Variants in TGM1 observed in about 807,000 individuals in gnomAD.
The protein encoded by TGM1 is protein-glutamine gamma-glutamyltransferase K.
A neutral mutation model predicts 88.7 loss-of-function variants in TGM1; 63 were observed. The ratio of observed to expected loss-of-function variants is 0.71; its 90% CI spans 0.58 to 0.88. The LOEUF (loss-of-function observed/expected upper bound fraction) is 0.88. TGM1 is among the 40% of genes least tolerant of loss of function. The probability of loss-of-function intolerance (pLI) is 0.00; values close to 1 mark genes in which losing one functional copy is unlikely to be tolerated. For missense variants in TGM1, 996 were observed against 1,118.0 expected (o/e 0.89, Z 1.56); for synonymous variants, 415 against 431.1 (o/e 0.96, Z 0.46).
chr14:24,254,858 G>A (rs2040734688), intron 12 of TGM1, 34 bp from the exon 13 acceptor site: 1 of 1,613,128 alleles, frequency 6.2e-7, no homozygotes, highest in African/African-American at 1.3e-5. Flanking sequence ...ACTGAGGCCT[G>A]CTTCCCTACA....
chr14:24,260,854 C>A (rs1305897008), intron 3 of TGM1, among the ~76,000 whole-genome samples, 156 bp from the exon 4 acceptor site: 1 of 152,240 alleles, frequency 6.6e-6, no homozygotes, highest in African/African-American at 2.4e-5. Context: ...TCCCTTAGAG[C>A]AGCTCTGTCT....
intron 14 of TGM1, among the ~76,000 whole-genome samples, chr14:24,250,282 C>A (rs2040691261): frequency 6.6e-6 from 1 of 151,934 alleles, no homozygotes; most frequent in Non-Finnish European, 1.5e-5. Flanking sequence ...GATTCCCAGA[C>A]CTCCCCTGGG....
Position 24,261,937 on chromosome 14 carries a change from A to C in TGM1, c.320-54T>G. On this transcript the variant is annotated intron_variant, in intron 2 of 14. Coordinates refer to ENST00000206765, the MANE Select transcript of TGM1 (RefSeq NM_000359.3). ...AGCCCCATGAGGAGCCCAGGCCCTT[A>C]TCATTAGCTTCCTATCCCCCCCAGA... The C allele has an allele frequency of 3.7e-6, 6 of 1,610,556 alleles. No individual in the cohort carries two copies. The South Asian group carries it at 6.6e-5, about 18-fold the overall frequency.
At position 24,259,696 on chromosome 14, in the gene TGM1, G is replaced by A. The variant is rs2139024874; in HGVS notation, c.984+8C>T. The stretch of plus-strand genomic sequence containing the variant: ...CACAGTAGGACTCAGAGATGTGAGG[G>A]TGCTCACCATGGCAGAGATGACCCG... On this transcript the variant is annotated splice_region_variant and intron_variant, in intron 6 of 14. Coordinates refer to ENST00000206765, the MANE Select transcript of TGM1 (RefSeq NM_000359.3). The surrounding 1 kb of genome is among the most constrained non-coding windows in gnomAD (Gnocchi z 5.7). 1 of 1,605,962 alleles carries A rather than the reference G, an allele frequency of 6.2e-7. No individual in the cohort carries two copies. Among genetic ancestry groups the A allele is most frequent in the Non-Finnish European group, 8.5e-7 (1 of 1,175,574 alleles).
rs374708302 is a variant in TGM1, at chr14:24,262,251, G to A, written c.102C>T (p.Arg34=). 4.3e-6 allele frequency: 7 copies of A among 1,613,816 alleles called. No homozygotes were observed. The highest frequency in any genetic ancestry group is 1.6e-4 in the Middle Eastern group (1 of 6,062). Residue 34 remains arginine, a synonymous_variant, in exon 2 of 15, where the codon CGC becomes CGT. Transcript: ENST00000206765. ...AGGAACGGCCTCCTCCTCTGCGAGA[G>A]CGTCCGTCTGGCTCTGGCTCTGGCT... ...SPEPEPEPDG[R]SRRGGGRSFW...
intron 3 of TGM1, 118 bp downstream of exon 3, chr14:24,261,577 T>C: frequency 7.7e-7 from 1 of 1,296,346 alleles, no homozygotes; most frequent in Non-Finnish European, 1.1e-6. Flanking sequence ...GCACCTGCCT[T>C]ATCTGGCAGA....
intron 14 of TGM1, 30 bp from the exon 15 acceptor site, chr14:24,249,571 G>A (rs779626255): frequency 5.0e-6 from 8 of 1,596,984 alleles, no homozygotes; most frequent in Middle Eastern, 1.7e-4. Flanking sequence ...CATGGGCCTG[G>A]AGTAATTGGG....
chr14:24,259,273 G>C lies in TGM1; in HGVS notation c.985-24C>G, dbSNP rs1174413396. ...ACCTGCCCAGGACAGGATGAGATAG[G>C]GCGGAGGTGGAGGAGGGGCTCAGGA... is the stretch of plus-strand genomic sequence containing the variant. On this transcript the variant is annotated intron_variant, in intron 6 of 14. Transcript: ENST00000206765. The surrounding 1 kb of genome is among the most constrained non-coding windows in gnomAD (Gnocchi z 5.7). 6.2e-7 allele frequency: 1 copy of C among 1,600,860 alleles called. No homozygotes were observed. Among genetic ancestry groups the C allele is most frequent in the Non-Finnish European group, 8.5e-7 (1 of 1,173,834 alleles).
chr14:24,262,886 CTTGGGGCTGCCAGG>C (rs1204418790), intron 1 of TGM1, among the ~76,000 whole-genome samples, 189 bp downstream of exon 1: 1 of 152,244 alleles, frequency 6.6e-6, no homozygotes. Context: ...GAAGACCCCA[CTTGGGGCTGCCAGG>C]AGGGGTAGGG....
rs1470550608 is a variant in TGM1, at chr14:24,260,061, G to T, written c.758-3C>A. ...ATGGTCCACGTACACAATGTCCTCT[G>T]TGTCCCCAGAACACACAAAACTGGT... On this transcript the variant is annotated splice_region_variant and splice_polypyrimidine_tract_variant and intron_variant, in intron 4 of 14. Coordinates refer to ENST00000206765, the MANE Select transcript of TGM1 (RefSeq NM_000359.3). 2 of 1,613,180 alleles carry T rather than the reference G, an allele frequency of 1.2e-6. No individual in the cohort carries two copies. Among genetic ancestry groups the T allele is most frequent in the East Asian group, 4.5e-5 (2 of 44,884 alleles).
chr14:24,249,607 C>T, intron 14 of TGM1, 66 bp from the exon 15 acceptor site: 2 of 1,405,538 alleles, frequency 1.4e-6, no homozygotes, highest in Non-Finnish European at 9.9e-7. Context: ...AAGAGCTGAT[C>T]CAGGGCAGTC....
At chr14:24,252,711 G>A (rs1315883559) in intron 14 of TGM1, among the ~76,000 whole-genome samples, 1 of 152,160 alleles carries the variant, frequency 6.6e-6, no homozygotes, top group Non-Finnish European at 1.5e-5. Flanking sequence ...CACCAGGAGA[G>A]CTGCTGTGTG....
rs145981439 is a variant in TGM1, at chr14:24,260,667, G to A, written c.540C>T (p.His180=). The stretch of plus-strand genomic sequence containing the variant: ...CCCCCTTGCCCACTGGGATGATCAC[G>A]TGCGTGCCCTTGCCCACCTCGGGGT... ...GNNPEVGKGT[H]VIIPVGKGGS... The change falls in exon 4 of 15, where the codon CAC becomes CAT. Residue 180 remains histidine, a synonymous_variant. Transcript: ENST00000206765. 61 of 1,614,092 alleles carry A rather than the reference G, an allele frequency of 3.8e-5. No individual in the cohort carries two copies. The African/African-American group carries it at 3.9e-4, about 10-fold the overall frequency.
intron 4 of TGM1, 89 bp from the exon 5 acceptor site, chr14:24,260,147 C>T: frequency 2.4e-6 from 3 of 1,244,982 alleles, no homozygotes; most frequent in East Asian, 2.3e-5. Flanking sequence ...GACTCATGTC[C>T]ACAGAAGAAA....
rs377403581 is a variant in TGM1 at position 24,254,223 on chromosome 14, G to A, written c.2154C>T (p.Pro718=). The part of the protein sequence containing the change: ...EVQIVFKNPL[P]VTLTNVVFRL... ...GGAAGACGACATTGGTGAGGGTGAC[G>A]GGAAGGGGGTTCTTGAAGACAATCT... Residue 718 remains proline (P), a synonymous_variant, in exon 14 of 15, where the codon CCC becomes CCT. Transcript: ENST00000206765. 8.1e-6 allele frequency: 13 copies of A among 1,613,944 alleles called. No individual in the cohort carries two copies. Among genetic ancestry groups the A allele is most frequent in the South Asian group, 3.3e-5 (3 of 91,064 alleles).
In TGM1 at chr14:24,258,299, T is replaced by C; in HGVS notation, c.1388A>G (p.Gln463Arg). 6.2e-7 allele frequency: 1 copy of C among 1,613,818 alleles called. No homozygotes were observed. The highest frequency in any genetic ancestry group is 8.5e-7 in the Non-Finnish European group (1 of 1,179,920). The change falls in exon 9 of 15, where the codon CAA becomes CGA. Residue 463 changes from glutamine to arginine, a missense_variant. By Grantham distance (43) the Gln-to-Arg change is conservative (BLOSUM62 1). Coordinates refer to ENST00000206765, the MANE Select transcript of TGM1 (RefSeq NM_000359.3). ...GCCCAGCTTACCACTGCTAGTCTCT[T>C]GGGGTGTGGCATCCACCACCTGCCA... ...DGWQVVDATP[Q>R]ETSSGIFCCG...
intron 14 of TGM1, among the ~76,000 whole-genome samples, chr14:24,252,474 C>G (rs2277485): frequency 6.6e-6 from 1 of 152,354 alleles, no homozygotes; most frequent in African/African-American, 2.4e-5. Flanking sequence ...AACCTCCCCC[C>G]ACCATGGTGG....
chr14:24,254,862 C>T (rs1437923877), intron 12 of TGM1, 38 bp from the exon 13 acceptor site: 1 of 1,613,230 alleles, frequency 6.2e-7, no homozygotes. Context: ...AGGCCTGCTT[C>T]CCTACATGAG....
intron 1 of TGM1, 141 bp from the exon 2 acceptor site, chr14:24,262,495 T>A (rs1052172161): frequency 5.5e-6 from 5 of 905,502 alleles, no homozygotes; most frequent in Non-Finnish European, 8.7e-6. Context: ...TCCAGACACA[T>A]CCAGAGACCT....
Sources: allele counts gnomAD v4.1 joint callset (sites outside exome capture counted in the v4.1 genomes callset), GRCh38; gene constraint gnomAD v4.1.1; non-coding constraint Gnocchi (gnomAD v3.1); transcripts MANE v1.5; gene names NCBI Gene and HGNC (gene_info 2026-07-23, HGNC 2026-07-21).